ATG7: variants seen among roughly 807,000 people sequenced by gnomAD.
ATG7 encodes the protein autophagy related 7.
A neutral mutation model predicts 82.4 loss-of-function variants in ATG7; 70 were observed. The ratio of observed to expected loss-of-function variants is 0.85; its 90% confidence interval spans 0.70 to 1.04. The LOEUF (loss-of-function observed/expected upper bound fraction) is 1.04, where lower values mean the gene tolerates loss of function less well. Ranked by LOEUF, ATG7 falls within the 50% of genes least tolerant of loss-of-function variation. The pLI is 0.00. For synonymous variants in ATG7, 287 were observed against 313.0 expected, an observed-to-expected ratio of 0.92 and a Z score of 0.88; for missense variants, 792 against 864.3, an observed-to-expected ratio of 0.92 and a Z score of 1.05.
At chr3:11,516,514 C>T (rs1017547112) in intron 20 of ATG7, among the ~76,000 whole-genome samples, 1 of 152,208 alleles carries the variant, frequency 6.6e-6, no homozygotes, top group South Asian at 2.1e-4. Context: ...CAAAATGGCA[C>T]AGCCACTTAA....
intron 20 of ATG7, among the ~76,000 whole-genome samples, chr3:11,538,783 AG>A (rs1301624071): frequency 1.5e-5 from 2 of 137,078 alleles, no homozygotes; most frequent in Non-Finnish European, 3.0e-5. Flanking sequence ...CTAAGATGGG[AG>A]GATCACCTGA....
chr3:11,347,904 G>A lies in ATG7; in HGVS notation c.1153G>A (p.Val385Met), dbSNP rs775234644. 6.2e-7 allele frequency: 1 copy of A among 1,614,100 alleles called. No homozygotes were observed. Among genetic ancestry groups the A allele is most frequent in the Non-Finnish European group, 8.5e-7 (1 of 1,179,998 alleles). The change falls in exon 14 of 21, where the codon GTG (valine) becomes ATG (methionine). Residue 385 changes from valine (V) to methionine (M), a missense_variant. Val to Met is a conservative substitution (Grantham distance 21, BLOSUM62 1). Transcript: ENST00000693202. ...TTGGGGCGTGAGACACATCACATTT[G>A]TGGACAATGCCAAGATCTCCTACTC... Reference protein sequence around the residue: ...MGWGVRHITFVDNAKISYSNP... With the variant: ...MGWGVRHITFMDNAKISYSNP...
In ATG7 at chr3:11,331,322, A is replaced by G; in HGVS notation, c.679-18A>G. ...GACATGATACTCGACTTACTCAGAAAGTCTTTTTTGTTCACAGATAACAAT... is the reference window on the plus strand; with the variant it reads ...GACATGATACTCGACTTACTCAGAAGGTCTTTTTTGTTCACAGATAACAAT... On this transcript the variant is annotated intron_variant, in intron 9 of 20. Coordinates refer to ENST00000693202, the MANE Select transcript of ATG7 (RefSeq NM_001349232.2). 6.3e-7 allele frequency: 1 copy of G among 1,576,950 alleles called. No homozygotes were observed.
chr3:11,371,423 C>T (rs375606528), intron 18 of ATG7, among the ~76,000 whole-genome samples: 14 of 150,872 alleles, frequency 9.3e-5, no homozygotes, highest in African/African-American at 3.2e-4. Context: ...ACCTTCAACC[C>T]GGGGCCCTGG....
intron 20 of ATG7, among the ~76,000 whole-genome samples, chr3:11,433,061 T>G (rs569620478): frequency 1.3e-5 from 2 of 151,906 alleles, no homozygotes; most frequent in South Asian, 4.2e-4. Flanking sequence ...GGAGGCTAAG[T>G]TGGGAGGATT....
chr3:11,402,955 C>A (rs753932449), intron 19 of ATG7, among the ~76,000 whole-genome samples: 7 of 152,110 alleles, frequency 4.6e-5, no homozygotes, highest in African/African-American at 1.4e-4. Context: ...AATTTCAATG[C>A]TTTTAAAGTC....
intron 20 of ATG7, among the ~76,000 whole-genome samples, chr3:11,514,779 AGAAAG>A (rs2092211421): frequency 6.6e-6 from 1 of 152,188 alleles, no homozygotes; most frequent in South Asian, 2.1e-4. Context: ...CAAGGAGAAA[AGAAAG>A]AGAAGTATGT....
intron 9 of ATG7, among the ~76,000 whole-genome samples, chr3:11,320,138 TTCTC>T (rs1559387929): frequency 6.6e-6 from 1 of 151,960 alleles, no homozygotes; most frequent in African/African-American, 2.4e-5. Context: ...TGGAACTCTC[TTCTC>T]TCTCTTTTCT....
chr3:11,273,580 T>C (rs1940998755), intron 1 of ATG7, among the ~76,000 whole-genome samples: 1 of 152,234 alleles, frequency 6.6e-6, no homozygotes, highest in African/African-American at 2.4e-5. Flanking sequence ...GCAAATTTTG[T>C]CATGTTTTGT....
At chr3:11,531,524 G>T (rs1443490698) in intron 20 of ATG7, among the ~76,000 whole-genome samples, 2 of 152,154 alleles carry the variant, frequency 1.3e-5, no homozygotes, top group Non-Finnish European at 2.9e-5. Context: ...GCAATCACAT[G>T]GTCCGCAAGT....
intron 20 of ATG7, among the ~76,000 whole-genome samples, chr3:11,549,023 T>C (rs2071537830): frequency 6.6e-6 from 1 of 151,992 alleles, no homozygotes; most frequent in Non-Finnish European, 1.5e-5. Flanking sequence ...CAGAACATAT[T>C]GTGAAGCAGT....
intron 19 of ATG7, among the ~76,000 whole-genome samples, chr3:11,419,689 T>C (rs569882526): frequency 2.6e-5 from 4 of 152,210 alleles, no homozygotes; most frequent in African/African-American, 9.6e-5. Context: ...TAGAAGGGTG[T>C]GGGGGCGCTG....
chr3:11,369,840 T>C (rs2076875870), intron 18 of ATG7, among the ~76,000 whole-genome samples: 1 of 151,070 alleles, frequency 6.6e-6, no homozygotes, highest in African/African-American at 2.4e-5. Context: ...GGCTGTCCTG[T>C]TTAGGAGGTG....
the ATG7 span, among the ~76,000 whole-genome samples, chr3:11,569,131 G>C: frequency 6.6e-6 from 1 of 152,158 alleles, no homozygotes; most frequent in South Asian, 2.1e-4. Flanking sequence ...CGTGAAAGAA[G>C]TGCACTGCGT....
intron 19 of ATG7, among the ~76,000 whole-genome samples, chr3:11,425,419 T>C (rs903467393): frequency 2.0e-5 from 3 of 152,240 alleles, no homozygotes; most frequent in Admixed American, 6.5e-5. Flanking sequence ...GTATAATTAC[T>C]GTTCTGGTCT....
At chr3:11,574,448 C>T in the ATG7 span, among the ~76,000 whole-genome samples, 4 of 152,242 alleles carry the variant, frequency 2.6e-5, no homozygotes, top group Admixed American at 6.5e-5. Flanking sequence ...CAAGTCAGCC[C>T]AGACCTGCCA....
chr3:11,485,043 C>A (rs1465027486), intron 20 of ATG7, among the ~76,000 whole-genome samples: 1 of 152,132 alleles, frequency 6.6e-6, no homozygotes, highest in East Asian at 1.9e-4. Flanking sequence ...ATTTATAGTC[C>A]TTTGGGTATA....
chr3:11,486,055 G>A (rs549137137), intron 20 of ATG7, among the ~76,000 whole-genome samples: 5 of 152,322 alleles, frequency 3.3e-5, no homozygotes, highest in African/African-American at 1.2e-4. Flanking sequence ...GAACTTTTAA[G>A]TAGTTTTTTC....
intron 3 of ATG7, among the ~76,000 whole-genome samples, chr3:11,290,014 C>T (rs1370396784): frequency 6.6e-6 from 1 of 152,212 alleles, no homozygotes; most frequent in Non-Finnish European, 1.5e-5. Context: ...ATATTGTCCC[C>T]ATGTGTTTTC....
Sources: gnomAD v4.1 joint callset for allele counts (sites outside exome capture counted in the v4.1 genomes callset) on GRCh38, gnomAD v4.1.1 for gene constraint, MANE v1.5 for transcripts, NCBI Gene and HGNC (gene_info 2026-07-23, HGNC 2026-07-21) for gene names.